The following ZFYVE28 variants were observed in gnomAD, a reference collection of about 807,000 sequenced individuals.
The protein encoded by ZFYVE28 is zinc finger FYVE-type containing 28.
In ZFYVE28, 40 loss-of-function variants were observed where a neutral mutation model predicts 82.1. The observed-to-expected ratio is 0.49, with a 90% CI of 0.38 to 0.63. The LOEUF is 0.63. Among genes scored for constraint, ZFYVE28 ranks in the 30% least tolerant of loss-of-function variants. ZFYVE28 has a pLI of 0.00. For missense variants in ZFYVE28, 1,321 were observed against 1,242.1 expected (o/e 1.06, Z -0.96); for synonymous variants, 612 against 546.1 (o/e 1.12, Z -1.68).
chr4:2,357,275 G>A (rs916139268), intron 1 of ZFYVE28, among the ~76,000 whole-genome samples: 3 of 152,174 alleles, frequency 2.0e-5, no homozygotes, highest in Non-Finnish European at 4.4e-5. Context: ...AGCTTCTGGG[G>A]TGGCCACCAG....
chr4:2,364,783 C>T (rs1263937392), intron 1 of ZFYVE28: 2 of 985,416 alleles, frequency 2.0e-6, no homozygotes, highest in African/African-American at 1.7e-5. Flanking sequence ...GTCAAGGCGC[C>T]CACGGCCTCC....
chr4:2,339,586 C>A lies in ZFYVE28; in HGVS notation c.388G>T (p.Glu130Ter), dbSNP rs766361578. The change falls in exon 4 of 13, where the codon GAG becomes TAG. Residue 130 changes from glutamate (E) to a stop codon, truncating the protein, a stop_gained. Transcript: ENST00000290974. LOFTEE classifies it high-confidence loss of function. The surrounding 1 kb of genome is among the most constrained non-coding windows in gnomAD (Gnocchi z 5.0). ...ACGTCCTCCAGGCTGCGCGTCAGCT[C>A]CTTGGCCAGCGGGCGCATGGCCATG... ...ESMAMRPLAK[E>*]LTRSLEDVRG... is the part of the protein sequence containing the mutation. 14 of 1,612,214 alleles carry A rather than the reference C, an allele frequency of 8.7e-6. No individual in the cohort carries two copies. Among genetic ancestry groups the A allele is most frequent in the Non-Finnish European group, 1.2e-5 (14 of 1,179,536 alleles).
intron 1 of ZFYVE28, among the ~76,000 whole-genome samples, chr4:2,410,746 C>G (rs1732441959): frequency 1.3e-5 from 2 of 152,130 alleles, no homozygotes; most frequent in Admixed American, 6.5e-5. Context: ...CCGCCTGCCT[C>G]GACCTCCCAA....
At chr4:2,368,211 CAA>C (rs34092714) in intron 1 of ZFYVE28, among the ~76,000 whole-genome samples, 12,060 of 85,854 alleles carry the variant, frequency 0.14, 586 homozygotes, top group Middle Eastern at 0.21. Flanking sequence ...CACATCTCTA[CAA>C]AAAAAAAAAA....
chr4:2,415,371 C>T (rs1281700742), intron 1 of ZFYVE28, among the ~76,000 whole-genome samples: 1 of 151,738 alleles, frequency 6.6e-6, no homozygotes, highest in Non-Finnish European at 1.5e-5. Flanking sequence ...AATCCCAGTG[C>T]TTCGGGAGGC....
At position 2,341,880 on chromosome 4, in the gene ZFYVE28, C is replaced by T. The variant is rs1722876477; in HGVS notation, c.181-265G>A. Among the ~76,000 whole-genome samples, 1 of 152,120 alleles carries T rather than the reference C, an allele frequency of 6.6e-6. No individual in the cohort carries two copies. Among genetic ancestry groups the T allele is most frequent in the African/African-American group, 2.4e-5 (1 of 41,420 alleles). ...ACTAAAAATACAAAAATTAGCCGGG[C>T]GTGGTAGCGCACACCTGTAATCCCA... On this transcript the variant is annotated intron_variant, in intron 2 of 12. Coordinates refer to ENST00000290974, the MANE Select transcript of ZFYVE28 (RefSeq NM_020972.3). This position sits in a 1 kb window ranked among gnomAD's most constrained non-coding sequence, Gnocchi z 4.5.
chr4:2,273,930 T>A (rs1736153402), intron 9 of ZFYVE28, 132 bp downstream of exon 9: 1 of 1,038,658 alleles, frequency 9.6e-7, no homozygotes, highest in South Asian at 1.5e-5. Flanking sequence ...GAGTGCTGGC[T>A]CCTTAGGGGC....
intron 1 of ZFYVE28, among the ~76,000 whole-genome samples, chr4:2,407,574 C>G (rs1732056610): frequency 6.6e-6 from 1 of 152,090 alleles, no homozygotes; most frequent in South Asian, 2.1e-4. Flanking sequence ...CCTGAAGTCC[C>G]AGGAGTTACA....
rs1721614751 is a variant in ZFYVE28, at chr4:2,335,908, G to A, written c.612-114C>T. 1 of 837,252 alleles carries A rather than the reference G, an allele frequency of 1.2e-6. No homozygotes were observed. Among genetic ancestry groups the A allele is most frequent in the East Asian group, 2.7e-5 (1 of 37,340 alleles). 51.9% of individuals were successfully genotyped at this position (837,252 alleles called of 1,614,324 possible). On this transcript the variant is annotated intron_variant, in intron 5 of 12. Transcript: ENST00000290974. The surrounding 1 kb of genome is among the most constrained non-coding windows in gnomAD (Gnocchi z 5.8). The stretch of plus-strand genomic sequence containing the variant: ...ATCTGTACCTGCAGCCACGCGTGGT[G>A]GCCACGTCAAGAGGTGACACATGCC...
chr4:2,412,259 C>T (rs1732601856), intron 1 of ZFYVE28, among the ~76,000 whole-genome samples: 1 of 152,140 alleles, frequency 6.6e-6, no homozygotes, highest in African/African-American at 2.4e-5. Context: ...GCTGTGATGG[C>T]CTCTGAGACT....
At chr4:2,289,418 A>G (rs4974670) in intron 8 of ZFYVE28, among the ~76,000 whole-genome samples, 108,366 of 152,202 alleles carry the variant, frequency 0.71, 39,804 homozygotes, top group African/African-American at 0.88. Flanking sequence ...CGCGTAACAC[A>G]GGCTGTAGCA....
intron 1 of ZFYVE28, among the ~76,000 whole-genome samples, chr4:2,371,191 AG>A (rs1440698377): frequency 6.6e-6 from 1 of 152,206 alleles, no homozygotes; most frequent in Non-Finnish European, 1.5e-5. Flanking sequence ...ACCACAGGAA[AG>A]GGCAAAGCCG....
At chr4:2,288,311 A>G (rs572052799) in intron 8 of ZFYVE28, among the ~76,000 whole-genome samples, 1 of 152,336 alleles carries the variant, frequency 6.6e-6, no homozygotes, top group South Asian at 2.1e-4. Flanking sequence ...AGGAAAACCA[A>G]CAGGTGACAC....
intron 1 of ZFYVE28, among the ~76,000 whole-genome samples, chr4:2,406,222 A>C (rs1489575243): frequency 6.6e-6 from 1 of 151,510 alleles, no homozygotes; most frequent in Non-Finnish European, 1.5e-5. Context: ...AAATACAAAA[A>C]TTAGCTGGGT....
At chr4:2,302,784 A>T (rs1715770231) in intron 8 of ZFYVE28, among the ~76,000 whole-genome samples, 1 of 152,276 alleles carries the variant, frequency 6.6e-6, no homozygotes, top group Admixed American at 6.5e-5. Context: ...AGTCATAAAA[A>T]GGAACGGCGT....
At chr4:2,287,426 C>G (rs78917541) in intron 8 of ZFYVE28, 1 of 152,402 alleles carries the variant, frequency 6.6e-6, no homozygotes, top group African/African-American at 2.4e-5. Context: ...GGCCTCGGGC[C>G]TCACGTGCAG....
chr4:2,399,928 G>A (rs1450803950), intron 1 of ZFYVE28, among the ~76,000 whole-genome samples: 3 of 152,234 alleles, frequency 2.0e-5, no homozygotes, highest in African/African-American at 4.8e-5. Context: ...GGCGCCCACC[G>A]TGGCCACTAA....
intron 1 of ZFYVE28, among the ~76,000 whole-genome samples, chr4:2,403,113 C>A (rs10008613): frequency 0.41 from 62,663 of 152,202 alleles, 13,538 homozygotes; most frequent in East Asian, 0.57. Context: ...GCCTGATGAC[C>A]CCTCTGGGCT....
At chr4:2,377,616 G>A (rs67762343) in intron 1 of ZFYVE28, among the ~76,000 whole-genome samples, 14,857 of 152,194 alleles carry the variant, frequency 0.098, 805 homozygotes, top group East Asian at 0.12. Flanking sequence ...CCTTCCCGCC[G>A]CACTGTGGGC....
Sources: gnomAD v4.1 joint callset for allele counts (sites outside exome capture counted in the v4.1 genomes callset) on GRCh38, gnomAD v4.1.1 for gene constraint, Gnocchi (gnomAD v3.1) non-coding constraint, MANE v1.5 for transcripts, NCBI Gene and HGNC (gene_info 2026-07-23, HGNC 2026-07-21) for gene names.